The following JCAD variants were observed in gnomAD, a reference collection of about 807,000 sequenced individuals.
JCAD encodes junctional cadherin 5-associated protein.
In JCAD, 40 loss-of-function variants were observed where a neutral mutation model predicts 98.0. The observed-to-expected ratio is 0.41, with a 90% CI of 0.32 to 0.53. JCAD has a LOEUF of 0.53. JCAD is among the 20% of genes least tolerant of loss of function. The pLI is 0.31. For synonymous variants in JCAD, 691 were observed against 682.3 expected, an observed-to-expected ratio of 1.01 and a Z score of -0.20; for missense variants, 1,705 against 1,738.1, an observed-to-expected ratio of 0.98 and a Z score of 0.34.
chr10:30,017,332 G>C lies in JCAD; in HGVS notation c.*551C>G, dbSNP rs947746152. ...TTCTCTGATGGCAAGTTACTTATAA[G>C]TAAAGTTACTTCCAGCAGCAGAAGG... On this transcript the variant is annotated 3_prime_UTR_variant, in exon 4 of 4. Transcript: ENST00000375377. The C allele has an allele frequency of 1.3e-5, 2 of 154,372 alleles. No homozygotes were observed. The highest frequency in any genetic ancestry group is 4.8e-5 in the African/African-American group (2 of 41,480). 9.6% of individuals were successfully genotyped at this position (154,372 alleles called of 1,614,324 possible). A position where few individuals can be genotyped will look rare whatever the true frequency, so the allele number is the denominator to read the frequency against.
intron 2 of JCAD, among the ~76,000 whole-genome samples, chr10:30,046,351 T>A (rs1837336192): frequency 6.6e-6 from 1 of 152,088 alleles, no homozygotes; most frequent in Admixed American, 6.6e-5. Flanking sequence ...TAAACCGCCC[T>A]CTCTTTTTGT....
chr10:30,034,255 T>C (rs977677334), intron 2 of JCAD, among the ~76,000 whole-genome samples: 17 of 151,426 alleles, frequency 1.1e-4, no homozygotes, highest in African/African-American at 4.1e-4. Flanking sequence ...ATAATGATAA[T>C]AACAATAATT....
chr10:30,027,244 C>A lies in JCAD; in HGVS notation c.2904G>T (p.Leu968=), dbSNP rs1375220451. Residue 968 remains leucine, a synonymous_variant, in exon 3 of 4, where the codon CTG becomes CTT. Coordinates refer to ENST00000375377, the MANE Select transcript of JCAD (RefSeq NM_020848.4). ...HLEVSNGMDE[L]AGSPFPVTRM... is the part of the protein sequence containing the mutation. ...TCGTCACAGGAAATGGGCTACCTGC[C>A]AGCTCGTCCATTCCGTTGCTAACCT... is the stretch of plus-strand genomic sequence containing the variant. The A allele has an allele frequency of 6.2e-7, 1 of 1,614,226 alleles. No homozygotes were observed. Among genetic ancestry groups the A allele is most frequent in the Admixed American group, 1.7e-5 (1 of 60,028 alleles).
At chr10:30,114,626 C>T (rs1351816231) in intron 1 of JCAD, among the ~76,000 whole-genome samples, 6 of 141,632 alleles carry the variant, frequency 4.2e-5, no homozygotes, top group Non-Finnish European at 7.6e-5. Flanking sequence ...GCAGGTTTTT[C>T]AGAAAAATGA....
intron 1 of JCAD, among the ~76,000 whole-genome samples, chr10:30,102,160 T>C (rs1023733674): frequency 6.6e-6 from 1 of 152,170 alleles, no homozygotes. Flanking sequence ...GATCTTAACA[T>C]ACCTTCTTAA....
chr10:30,040,305 A>G (rs1837216462), intron 2 of JCAD, among the ~76,000 whole-genome samples: 1 of 152,232 alleles, frequency 6.6e-6, no homozygotes, highest in African/African-American at 2.4e-5. Context: ...TTCATTTATT[A>G]AAACAAGGCA....
chr10:30,051,191 GA>G (rs941985610), intron 1 of JCAD, among the ~76,000 whole-genome samples: 2 of 151,756 alleles, frequency 1.3e-5, no homozygotes, highest in Admixed American at 6.6e-5. Flanking sequence ...TATTTAAAAG[GA>G]AAAAAATTCT....
chr10:30,065,423 A>G (rs930524320), intron 2 of JCAD, among the ~76,000 whole-genome samples: 2 of 152,200 alleles, frequency 1.3e-5, no homozygotes, highest in African/African-American at 2.4e-5. Context: ...AAAATCTAGA[A>G]AGGATTTTAT....
chr10:30,028,477 C>G lies in JCAD; in HGVS notation c.1671G>C (p.Lys557Asn). The G allele has an allele frequency of 6.2e-7, 1 of 1,614,166 alleles. No individual in the cohort carries two copies. The highest frequency in any genetic ancestry group is 8.5e-7 in the Non-Finnish European group (1 of 1,180,010). Residue 557 changes from lysine to asparagine, a missense_variant, in exon 3 of 4, where the codon AAG becomes AAC. Physicochemically the swap from Lys to Asn is moderately conservative, Grantham distance 94. Around this residue, in one of 3 missense-constraint regions of JCAD, gnomAD observed 1,278 missense variants for 1,243.1 expected, o/e 1.03. Transcript: ENST00000375377. The part of the protein sequence containing the change: ...QGESTCETQT[K>N]LKKFQTGTRT... ...GAGTCCCAGTTTGGAACTTTTTGAG[C>G]TTGGTTTGAGTTTCGCAGGTGCTCT... is the stretch of plus-strand genomic sequence containing the variant.
chr10:30,089,454 G>A (rs565276104), intron 1 of JCAD, among the ~76,000 whole-genome samples: 58 of 151,930 alleles, frequency 3.8e-4, no homozygotes, highest in African/African-American at 1.4e-3. Flanking sequence ...CTGTGTTTCC[G>A]TCTGTCAAAT....
chr10:30,050,623 A>G lies in JCAD; in HGVS notation c.-59-2752T>C, dbSNP rs538264731. 1.4e-3 allele frequency among the ~76,000 whole-genome samples: 213 copies of G among 152,342 alleles called. 2 individuals are homozygous for G. The highest frequency in any genetic ancestry group is 2.9e-5 in the Non-Finnish European group (2 of 68,032). Reference sequence around the variant, plus strand: ...TCCATTTGTCAGAATGGCAGAGAAGACATAACCCTCACAAAACACAGATGT... The same window carrying G: ...TCCATTTGTCAGAATGGCAGAGAAGGCATAACCCTCACAAAACACAGATGT... On this transcript the variant is annotated intron_variant, in intron 1 of 3. Coordinates refer to ENST00000375377, the MANE Select transcript of JCAD (RefSeq NM_020848.4).
intron 2 of JCAD, among the ~76,000 whole-genome samples, chr10:30,046,240 G>A (rs750886718): frequency 2.0e-5 from 3 of 152,090 alleles, no homozygotes; most frequent in Non-Finnish European, 4.4e-5. Flanking sequence ...TTTCCTCCAG[G>A]TGGAAACCGC....
At position 30,027,945 on chromosome 10, in the gene JCAD, C is replaced by T. The variant is rs1187986660; in HGVS notation, c.2203G>A (p.Ala735Thr). ...PAASEAQTHT[A>T]FPTGDHKQRP... is the part of the protein sequence containing the mutation. ...TGTTTGTGATCACCGGTAGGGAATGCTGTGTGCGTCTGAGCTTCGGAGGCA... is the reference window on the plus strand; with the variant it reads ...TGTTTGTGATCACCGGTAGGGAATGTTGTGTGCGTCTGAGCTTCGGAGGCA... Residue 735 changes from alanine (A) to threonine (T), a missense_variant, in exon 3 of 4, where the codon GCA (alanine) becomes ACA (threonine). Physicochemically the swap from Ala to Thr is moderately conservative, Grantham distance 58 (BLOSUM62 0). Transcript: ENST00000375377. 6.2e-7 allele frequency: 1 copy of T among 1,614,260 alleles called. No individual in the cohort carries two copies. Among genetic ancestry groups the T allele is most frequent in the Non-Finnish European group, 8.5e-7 (1 of 1,180,042 alleles).
intron 1 of JCAD, among the ~76,000 whole-genome samples, chr10:30,108,731 A>C (rs1402810121): frequency 6.6e-6 from 1 of 152,154 alleles, no homozygotes; most frequent in African/African-American, 2.4e-5. Flanking sequence ...TTCTTCTTTA[A>C]GTCAGAATTC....
chr10:30,090,591 A>AGGGGG (rs1838244168), intron 1 of JCAD, among the ~76,000 whole-genome samples: 1 of 151,310 alleles, frequency 6.6e-6, no homozygotes, highest in African/African-American at 2.4e-5. Flanking sequence ...AGGGGAGGGG[A>AGGGGG]AAGGGAAAAA....
chr10:30,045,172 A>G (rs1325083310), intron 2 of JCAD, among the ~76,000 whole-genome samples: 1 of 152,134 alleles, frequency 6.6e-6, no homozygotes, highest in African/African-American at 2.4e-5. Context: ...AAGGGGCTAG[A>G]AAGTCCTGAG....
chr10:30,053,846 C>T (rs1048346198), intron 1 of JCAD, among the ~76,000 whole-genome samples: 2 of 151,886 alleles, frequency 1.3e-5, no homozygotes, highest in Admixed American at 6.6e-5. Context: ...GCAGACCACC[C>T]GAGGTCAGGA....
intron 1 of JCAD, among the ~76,000 whole-genome samples, chr10:30,049,281 C>T (rs7085817): frequency 6.6e-6 from 1 of 152,198 alleles, no homozygotes; most frequent in Non-Finnish European, 1.5e-5. Flanking sequence ...AACCCCACTT[C>T]ACTGGTGGAC....
At chr10:30,031,231 A>G (rs1027576116) in intron 2 of JCAD, among the ~76,000 whole-genome samples, 10 of 152,008 alleles carry the variant, frequency 6.6e-5, no homozygotes, top group African/African-American at 2.4e-4. Context: ...GGCTCAAGCA[A>G]TCCTTCCACT....
Sources: allele counts gnomAD v4.1 joint callset (sites outside exome capture counted in the v4.1 genomes callset), GRCh38; gene constraint gnomAD v4.1.1; regional missense constraint gnomAD v4.1.1; transcripts MANE v1.5; gene names NCBI Gene and HGNC (gene_info 2026-07-23, HGNC 2026-07-21).